SIK2: variants seen among roughly 807,000 people sequenced by gnomAD.
The protein encoded by SIK2 is salt inducible kinase 2.
A neutral mutation model predicts 103.2 loss-of-function variants in SIK2; 29 were observed. The observed-to-expected ratio is 0.28, with a 90% CI of 0.21 to 0.38. SIK2 has a LOEUF of 0.38. Among genes scored for constraint, SIK2 ranks in the 10% least tolerant of loss-of-function variants. SIK2 has a pLI of 1.00. For missense variants in SIK2, 879 were observed against 1,171.0 expected (o/e 0.75, Z 3.64); for synonymous variants, 412 against 446.1 (o/e 0.92, Z 0.96).
At position 111,602,537 on chromosome 11, in the gene SIK2, C is replaced by G; in HGVS notation, c.-27C>G. 3 of 1,480,042 alleles carry G rather than the reference C, an allele frequency of 2.0e-6. No homozygotes were observed. Among genetic ancestry groups the G allele is most frequent in the Non-Finnish European group, 2.7e-6 (3 of 1,115,682 alleles). 91.7% of individuals were successfully genotyped at this position (1,480,042 alleles called of 1,614,324 possible). ...CCCTCCCGCCCGCCCGCGCTCCTGT[C>G]CGCCGTGTCTAGCAGCGGGGCCCAG... On this transcript the variant is annotated 5_prime_UTR_variant, in exon 1 of 15. Transcript: ENST00000304987. The surrounding 1 kb of genome is among the most constrained non-coding windows in gnomAD (Gnocchi z 4.5).
At chr11:111,655,620 T>C (rs1942381906) in intron 3 of SIK2, among the ~76,000 whole-genome samples, 1 of 152,156 alleles carries the variant, frequency 6.6e-6, no homozygotes, top group African/African-American at 2.4e-5. Flanking sequence ...GGTGATAGAT[T>C]TTCTTGGAAG....
At chr11:111,682,907 G>C (rs771975897) in intron 3 of SIK2, among the ~76,000 whole-genome samples, 12 of 152,164 alleles carry the variant, frequency 7.9e-5, no homozygotes, top group Non-Finnish European at 8.8e-5. Flanking sequence ...TGCAGACCAT[G>C]ATTTTTGTAA....
Position 111,712,300 on chromosome 11 carries a change from G to C in SIK2, c.1191G>C (p.Glu397Asp), listed in dbSNP as rs1204042894. 5 of 1,614,090 alleles carry C rather than the reference G, an allele frequency of 3.1e-6. No homozygotes were observed. Among genetic ancestry groups the C allele is most frequent in the Non-Finnish European group, 4.2e-6 (5 of 1,180,040 alleles). Residue 397 changes from glutamate to aspartate, a missense_variant, in exon 9 of 15, where the codon GAG (glutamate) becomes GAC (aspartate). Transcript: ENST00000304987. Reference sequence around the variant, plus strand: ...TCCTCCCCCAGGCATCCAACGTGGAGGCCTTTTCATTTCCAGCATCTGGCT... The same window carrying C: ...TCCTCCCCCAGGCATCCAACGTGGACGCCTTTTCATTTCCAGCATCTGGCT... Reference protein sequence around the residue: ...SALLPQASNVEAFSFPASGCQ... With the variant: ...SALLPQASNVDAFSFPASGCQ...
chr11:111,613,394 C>G (rs1941756364), intron 1 of SIK2, among the ~76,000 whole-genome samples: 1 of 152,108 alleles, frequency 6.6e-6, no homozygotes, highest in South Asian at 2.1e-4. Context: ...GATATATAGA[C>G]TCACTCCTGA....
chr11:111,649,136 T>C (rs1449070110), intron 3 of SIK2, among the ~76,000 whole-genome samples: 1 of 152,226 alleles, frequency 6.6e-6, no homozygotes, highest in African/African-American at 2.4e-5. Context: ...ATACTGTAGC[T>C]GGTTAAGATA....
At chr11:111,692,917 A>G (rs371894413) in intron 4 of SIK2, among the ~76,000 whole-genome samples, 10 of 152,318 alleles carry the variant, frequency 6.6e-5, no homozygotes, top group African/African-American at 2.2e-4. Flanking sequence ...GAAGCACAAA[A>G]TTAAAATATT....
At chr11:111,627,067 T>C (rs1941970813) in intron 3 of SIK2, among the ~76,000 whole-genome samples, 1 of 151,922 alleles carries the variant, frequency 6.6e-6, no homozygotes, top group South Asian at 2.1e-4. Context: ...GAAACTAAGA[T>C]GTAAATGGGC....
At chr11:111,716,695 C>T (rs948834950) in intron 9 of SIK2, among the ~76,000 whole-genome samples, 1 of 152,122 alleles carries the variant, frequency 6.6e-6, no homozygotes, top group African/African-American at 2.4e-5. Context: ...AGACATAATT[C>T]CTCTTGTAGT....
At chr11:111,676,995 TG>T (rs1413554673) in intron 3 of SIK2, among the ~76,000 whole-genome samples, 3 of 152,162 alleles carry the variant, frequency 2.0e-5, no homozygotes, top group Non-Finnish European at 4.4e-5. Flanking sequence ...CAGCTTAGAG[TG>T]ACTCATTTGT....
At chr11:111,634,889 A>G (rs182399923) in intron 3 of SIK2, among the ~76,000 whole-genome samples, 1 of 152,250 alleles carries the variant, frequency 6.6e-6, no homozygotes, top group Non-Finnish European at 1.5e-5. Flanking sequence ...AGATGTTAAC[A>G]TAGAAAGATA....
At chr11:111,611,340 A>G (rs936842242) in intron 1 of SIK2, among the ~76,000 whole-genome samples, 10 of 152,138 alleles carry the variant, frequency 6.6e-5, no homozygotes, top group Non-Finnish European at 1.2e-4. Flanking sequence ...GCTACATGGA[A>G]TGGATGATTT....
chr11:111,611,082 C>A (rs964005673), intron 1 of SIK2, among the ~76,000 whole-genome samples: 1 of 94,524 alleles, frequency 1.1e-5, no homozygotes, highest in African/African-American at 3.5e-5. Flanking sequence ...CCACTCTCGA[C>A]CAAATGTGTG....
At chr11:111,674,541 C>T (rs1942675079) in intron 3 of SIK2, among the ~76,000 whole-genome samples, 1 of 152,204 alleles carries the variant, frequency 6.6e-6, no homozygotes, top group Non-Finnish European at 1.5e-5. Context: ...TTTTCAAAGC[C>T]AATCAGGTTG....
chr11:111,658,120 T>G (rs922496216), intron 3 of SIK2, among the ~76,000 whole-genome samples: 2 of 149,558 alleles, frequency 1.3e-5, no homozygotes, highest in African/African-American at 4.9e-5. Context: ...ATTTATTTAT[T>G]TATTTATTTA....
intron 14 of SIK2, 21 bp from the exon 15 acceptor site, chr11:111,723,475 C>T (rs756056692): frequency 6.4e-7 from 1 of 1,566,624 alleles, no homozygotes; most frequent in Non-Finnish European, 8.6e-7. Context: ...AAAATTCTTT[C>T]CTTTGATATT....
At chr11:111,672,264 G>T in intron 3 of SIK2, 1 of 372,300 alleles carries the variant, frequency 2.7e-6, no homozygotes. Context: ...AGGCCACCCA[G>T]GAAGCTGCTG....
intron 3 of SIK2, among the ~76,000 whole-genome samples, chr11:111,629,282 T>G (rs908860975): frequency 6.6e-6 from 1 of 152,218 alleles, no homozygotes; most frequent in Non-Finnish European, 1.5e-5. Context: ...AGGTAGGTAC[T>G]GAAAGATTCA....
chr11:111,698,307 T>G (rs1002297628), intron 4 of SIK2, among the ~76,000 whole-genome samples: 4 of 152,220 alleles, frequency 2.6e-5, no homozygotes, highest in South Asian at 4.1e-4. Flanking sequence ...GCCTGTGAAG[T>G]GTACTATGAG....
At chr11:111,671,401 A>T (rs1942625795) in intron 3 of SIK2, 3 of 248,508 alleles carry the variant, frequency 1.2e-5, no homozygotes, top group Middle Eastern at 1.4e-3. Flanking sequence ...TCAGCATCTG[A>T]TGGCAGCCTC....
Sources: gnomAD v4.1 joint callset for allele counts (sites outside exome capture counted in the v4.1 genomes callset) on GRCh38, gnomAD v4.1.1 for gene constraint, Gnocchi (gnomAD v3.1) non-coding constraint, MANE v1.5 for transcripts, NCBI Gene and HGNC (gene_info 2026-07-23, HGNC 2026-07-21) for gene names.